USP12: variants seen among roughly 807,000 people sequenced by gnomAD.
USP12 encodes the protein ubiquitin carboxyl-terminal hydrolase 12.
A neutral mutation model predicts 45.5 loss-of-function variants in USP12; 19 were observed. That is an observed-to-expected ratio of 0.42 (90% CI 0.29 to 0.61). The LOEUF is 0.61. Ranked by LOEUF, USP12 falls within the 20% of genes least tolerant of loss-of-function variation. USP12 has a pLI of 0.22. For missense variants in USP12, 242 were observed against 447.7 expected (o/e 0.54, Z 4.15); for synonymous variants, 149 against 148.8 (o/e 1.00, Z -0.01).
chr13:27,140,417 C>A (rs890105595), intron 1 of USP12, among the ~76,000 whole-genome samples: 1 of 152,134 alleles, frequency 6.6e-6, no homozygotes, highest in South Asian at 2.1e-4. Context: ...AATATGAAAT[C>A]TTAAATCTAC....
intron 1 of USP12, among the ~76,000 whole-genome samples, chr13:27,136,508 A>AATAC (rs374691672): frequency 0.021 from 3,227 of 152,146 alleles, 117 homozygotes; most frequent in African/African-American, 0.073. Context: ...CAAATAAACA[A>AATAC]ATACATACAT....
At position 27,075,320 on chromosome 13, in the gene USP12, A is replaced by G. The variant is rs1448793066; in HGVS notation, c.803T>C (p.Leu268Pro). The G allele has an allele frequency of 4.3e-6, 7 of 1,614,060 alleles. No individual in the cohort carries two copies. Among genetic ancestry groups the G allele is most frequent in the Non-Finnish European group, 5.1e-6 (6 of 1,180,030 alleles). ...GTAAGAGAGTTTTGTATATCGATGA[A>G]GTTGATCCATATATTTAAATCTCTT... ...HLKRFKYMDQLHRYTKLSYRV... is the reference protein window; with the variant it reads ...HLKRFKYMDQPHRYTKLSYRV... The change falls in exon 7 of 9, where the codon CTT (leucine) becomes CCT (proline). Residue 268 changes from leucine to proline, a missense_variant. Coordinates refer to ENST00000282344, the MANE Select transcript of USP12 (RefSeq NM_182488.4).
chr13:27,071,281 CT>C, intron 7 of USP12, 132 bp from the exon 8 acceptor site: 1 of 680,086 alleles, frequency 1.5e-6, no homozygotes, highest in Non-Finnish European at 2.4e-6. Flanking sequence ...TTTTATACCC[CT>C]TACCTATTCT....
chr13:27,165,290 T>C (rs1056965861), intron 1 of USP12, among the ~76,000 whole-genome samples: 6 of 152,306 alleles, frequency 3.9e-5, no homozygotes, highest in East Asian at 1.9e-4. Flanking sequence ...AGCTTTCATA[T>C]TATGAATTAA....
intron 1 of USP12, among the ~76,000 whole-genome samples, chr13:27,120,463 G>A (rs1330948822): frequency 6.6e-6 from 1 of 152,066 alleles, no homozygotes; most frequent in Non-Finnish European, 1.5e-5. Flanking sequence ...GACCAGCCTG[G>A]CCAACATGGT....
chr13:27,070,250 A>G (rs1873182801), intron 8 of USP12, among the ~76,000 whole-genome samples: 1 of 152,220 alleles, frequency 6.6e-6, no homozygotes, highest in Admixed American at 6.5e-5. Context: ...CCTAGGCAAA[A>G]TTAATCATAA....
intron 1 of USP12, among the ~76,000 whole-genome samples, chr13:27,142,566 T>C (rs922058861): frequency 1.3e-5 from 2 of 152,218 alleles, no homozygotes; most frequent in Non-Finnish European, 2.9e-5. Flanking sequence ...CAAGCAACTT[T>C]AGCAAAACAT....
intron 3 of USP12, 60 bp from the exon 4 acceptor site, chr13:27,095,890 C>A: frequency 7.8e-7 from 1 of 1,278,728 alleles, no homozygotes; most frequent in South Asian, 1.7e-5. Flanking sequence ...CATAAAAAAC[C>A]AATTTATAAA....
chr13:27,093,944 T>C (rs1005771550), intron 4 of USP12, among the ~76,000 whole-genome samples: 2 of 152,218 alleles, frequency 1.3e-5, no homozygotes, highest in Non-Finnish European at 2.9e-5. Context: ...CTGCATACTA[T>C]ATGATTTCAA....
intron 1 of USP12, among the ~76,000 whole-genome samples, chr13:27,158,264 G>A (rs1320684729): frequency 2.0e-5 from 3 of 152,080 alleles, no homozygotes; most frequent in Admixed American, 6.5e-5. Context: ...TGAAAAGATT[G>A]GAATGATGCA....
chr13:27,156,410 T>C (rs1877846277), intron 1 of USP12, among the ~76,000 whole-genome samples: 1 of 152,154 alleles, frequency 6.6e-6, no homozygotes, highest in Non-Finnish European at 1.5e-5. Flanking sequence ...GAAACAGGGA[T>C]CCACATTTAA....
chr13:27,113,015 C>G (rs1336873534), intron 2 of USP12, among the ~76,000 whole-genome samples: 2 of 152,186 alleles, frequency 1.3e-5, no homozygotes, highest in East Asian at 3.8e-4. Context: ...AGGAGGATCG[C>G]TTGAGACCAG....
chr13:27,122,143 GA>G (rs1876020844), intron 1 of USP12, among the ~76,000 whole-genome samples: 1 of 151,932 alleles, frequency 6.6e-6, no homozygotes, highest in African/African-American at 2.4e-5. Flanking sequence ...GCAACATGGC[GA>G]AACCCCGTGA....
intron 1 of USP12, among the ~76,000 whole-genome samples, chr13:27,162,369 C>T (rs1236367028): frequency 6.6e-6 from 1 of 152,160 alleles, no homozygotes; most frequent in African/African-American, 2.4e-5. Context: ...TTTGTCTCAA[C>T]CATCAAACCT....
intron 1 of USP12, among the ~76,000 whole-genome samples, chr13:27,118,176 A>G (rs2137798962): frequency 6.6e-6 from 1 of 151,788 alleles, no homozygotes; most frequent in East Asian, 1.9e-4. Context: ...AGACTCCTAA[A>G]TCTGGGAAGC....
intron 8 of USP12, among the ~76,000 whole-genome samples, chr13:27,069,868 A>G (rs1036686655): frequency 6.6e-6 from 1 of 152,050 alleles, no homozygotes; most frequent in East Asian, 1.9e-4. Context: ...AATCGCTTGA[A>G]CCCAGGAGGT....
chr13:27,159,631 A>AC (rs1878011809), intron 1 of USP12, among the ~76,000 whole-genome samples: 1 of 152,238 alleles, frequency 6.6e-6, no homozygotes, highest in East Asian at 1.9e-4. Flanking sequence ...CTATACATTT[A>AC]TCTAAACTCA....
At chr13:27,111,611 A>T (rs1176035559) in intron 2 of USP12, among the ~76,000 whole-genome samples, 1 of 152,172 alleles carries the variant, frequency 6.6e-6, no homozygotes, top group East Asian at 1.9e-4. Context: ...CTTAACAAAC[A>T]TCCCACCGCA....
chr13:27,085,976 G>A (rs1310656311), intron 6 of USP12, among the ~76,000 whole-genome samples: 1 of 151,648 alleles, frequency 6.6e-6, no homozygotes, highest in Non-Finnish European at 1.5e-5. Flanking sequence ...GATGAGCCTA[G>A]GCAACATAGC....
Sources: gnomAD v4.1 joint callset for allele counts (sites outside exome capture counted in the v4.1 genomes callset) on GRCh38, gnomAD v4.1.1 for gene constraint, MANE v1.5 for transcripts, NCBI Gene and HGNC (gene_info 2026-07-23, HGNC 2026-07-21) for gene names.